DOCK2: variants seen among roughly 807,000 people sequenced by gnomAD.
DOCK2 encodes dedicator of cytokinesis protein 2.
DOCK2 carries 87 observed loss-of-function variants against 248.9 expected under a neutral mutation model. That is an observed-to-expected ratio of 0.35 (90% CI 0.29 to 0.42). The LOEUF (loss-of-function observed/expected upper bound fraction) is 0.42, where lower values mean the gene tolerates loss of function less well. Among genes scored for constraint, DOCK2 ranks in the 10% least tolerant of loss-of-function variants. The pLI is 1.00. For missense variants in DOCK2, 1,747 were observed against 2,300.2 expected, an observed-to-expected ratio of 0.76 and a Z score of 4.92; for synonymous variants, 805 against 821.6, an observed-to-expected ratio of 0.98 and a Z score of 0.35.
chr5:169,890,716 A>G (rs1178728537), intron 27 of DOCK2, among the ~76,000 whole-genome samples: 1 of 152,146 alleles, frequency 6.6e-6, no homozygotes, highest in Non-Finnish European at 1.5e-5. Context: ...AGACTTATAT[A>G]TTTGGGACCC....
intron 27 of DOCK2, among the ~76,000 whole-genome samples, chr5:169,903,719 G>A (rs916867012): frequency 1.3e-5 from 2 of 152,128 alleles, no homozygotes; most frequent in Non-Finnish European, 2.9e-5. Flanking sequence ...AAAGAAGTAA[G>A]TTTGGAGAAA....
chr5:169,932,512 C>A (rs1222039067), intron 27 of DOCK2, among the ~76,000 whole-genome samples: 2 of 152,148 alleles, frequency 1.3e-5, no homozygotes, highest in Non-Finnish European at 2.9e-5. Context: ...CCTCATGGAG[C>A]CTCAGGAACA....
chr5:170,072,850 T>C (rs1298090465), intron 46 of DOCK2, among the ~76,000 whole-genome samples: 1 of 152,236 alleles, frequency 6.6e-6, no homozygotes, highest in East Asian at 1.9e-4. Flanking sequence ...CTTTTACTTA[T>C]GTTGTTAATT....
At chr5:169,819,311 AAAC>A (rs746184665) in intron 26 of DOCK2, among the ~76,000 whole-genome samples, 7 of 152,106 alleles carry the variant, frequency 4.6e-5, no homozygotes, top group African/African-American at 7.2e-5. Flanking sequence ...ACTCCATCTC[AAAC>A]AACAACAACA....
Position 170,050,333 on chromosome 5 carries a change from C to G in DOCK2, c.4149C>G (p.Pro1383=), listed in dbSNP as rs755251351. The stretch of plus-strand genomic sequence containing the variant: ...AGATGCAGCTGATGACCCAGTTCCC[C>G]AATGCAGAGAAGATGAACACCACCT... The part of the protein sequence containing the change: ...DFQMQLMTQF[P]NAEKMNTTSA... Residue 1383 remains proline (P), a synonymous_variant, in exon 41 of 52, where the codon CCC becomes CCG. Transcript: ENST00000520908. 94 of 1,614,064 alleles carry G rather than the reference C, an allele frequency of 5.8e-5. No individual in the cohort carries two copies. Among genetic ancestry groups the G allele is most frequent in the Non-Finnish European group, 7.7e-5 (91 of 1,180,026 alleles).
At chr5:170,075,908 G>A (rs200010500) in intron 46 of DOCK2, 39 bp from the exon 47 acceptor site, 254 of 1,609,716 alleles carry the variant, frequency 1.6e-4, no homozygotes, top group Admixed American at 5.5e-4. Flanking sequence ...GAGGCCCACC[G>A]GTCAGCCTCT....
At chr5:169,661,712 C>T (rs59656908) in intron 2 of DOCK2, among the ~76,000 whole-genome samples, 1 of 152,076 alleles carries the variant, frequency 6.6e-6, no homozygotes, top group Non-Finnish European at 1.5e-5. Context: ...TGAAATAATG[C>T]AATACTTTCT....
intron 26 of DOCK2, among the ~76,000 whole-genome samples, chr5:169,820,260 T>C (rs1448238742): frequency 6.6e-6 from 1 of 152,124 alleles, no homozygotes; most frequent in African/African-American, 2.4e-5. Flanking sequence ...TCTGACAGCT[T>C]TGAAGAGAGT....
intron 27 of DOCK2, among the ~76,000 whole-genome samples, chr5:169,841,150 C>A (rs1218462983): frequency 1.3e-5 from 2 of 152,164 alleles, no homozygotes; most frequent in Admixed American, 6.5e-5. Context: ...TGTAAGTAAA[C>A]AAGGTGGAAC....
chr5:170,068,365 C>T (rs1757567705), intron 45 of DOCK2, among the ~76,000 whole-genome samples: 1 of 152,206 alleles, frequency 6.6e-6, no homozygotes, highest in South Asian at 2.1e-4. Flanking sequence ...ACTTGGTTTT[C>T]ACCTAGCAGA....
At chr5:170,030,019 T>C (rs1756073104) in intron 34 of DOCK2, among the ~76,000 whole-genome samples, 3 of 152,344 alleles carry the variant, frequency 2.0e-5, no homozygotes, top group Middle Eastern at 6.8e-3. Context: ...CAGGTGGATA[T>C]GGAGACTGAT....
chr5:170,059,838 A>G (rs777635622), intron 44 of DOCK2, among the ~76,000 whole-genome samples: 1 of 152,224 alleles, frequency 6.6e-6, no homozygotes, highest in Non-Finnish European at 1.5e-5. Flanking sequence ...GAAATAGTCA[A>G]GATTTTTGGC....
At chr5:170,041,980 C>CCCTGAGTGACTT (rs1222137386) in intron 37 of DOCK2, 33 bp from the exon 38 acceptor site, 1 of 1,609,024 alleles carries the variant, frequency 6.2e-7, no homozygotes, top group East Asian at 2.2e-5. Flanking sequence ...AGCCTCTCGG[C>CCCTGAGTGACTT]CCTGTGTGAC....
At chr5:169,747,993 G>A (rs1319887607) in intron 23 of DOCK2, among the ~76,000 whole-genome samples, 1 of 152,176 alleles carries the variant, frequency 6.6e-6, no homozygotes, top group African/African-American at 2.4e-5. Context: ...AAGGAGTTGA[G>A]CAGCTAAGAG....
chr5:170,050,007 T>C (rs1316638), intron 40 of DOCK2, among the ~76,000 whole-genome samples: 22,165 of 152,144 alleles, frequency 0.15, 2,142 homozygotes, highest in East Asian at 0.48. Context: ...GTACATAGGA[T>C]GGTAAGAAGA....
chr5:170,041,074 G>A lies in DOCK2; in HGVS notation c.3685G>A (p.Asp1229Asn). ...AAACAGGTACCTGTACAAACTCCGC[G>A]ATCTTCACCTGGACTGTGACAATTA... The part of the protein sequence containing the change: ...MYIRYLYKLR[D>N]LHLDCDNYTE... Residue 1229 changes from aspartate (D) to asparagine (N), a missense_variant, in exon 37 of 52, where the codon GAT (aspartate) becomes AAT (asparagine). Asp to Asn is a conservative substitution (Grantham distance 23). This residue lies in a region of DOCK2 where 858 missense variants were observed against 1,183.5 expected (regional missense o/e 0.72). Coordinates refer to ENST00000520908, the MANE Select transcript of DOCK2 (RefSeq NM_004946.3). 5 of 1,613,910 alleles carry A rather than the reference G, an allele frequency of 3.1e-6. No homozygotes were observed. Among genetic ancestry groups the A allele is most frequent in the African/African-American group, 1.3e-5 (1 of 74,936 alleles).
intron 27 of DOCK2, among the ~76,000 whole-genome samples, chr5:169,900,791 G>A (rs1773879595): frequency 6.6e-6 from 1 of 152,054 alleles, no homozygotes; most frequent in Non-Finnish European, 1.5e-5. Flanking sequence ...TCTTGGTGGT[G>A]GAAAAACTGA....
intron 26 of DOCK2, among the ~76,000 whole-genome samples, chr5:169,821,556 A>G (rs1336888411): frequency 2.0e-5 from 3 of 152,182 alleles, no homozygotes; most frequent in South Asian, 4.1e-4. Context: ...AATCCTTTAC[A>G]GACAAGCAAA....
intron 26 of DOCK2, among the ~76,000 whole-genome samples, chr5:169,822,164 T>A (rs889402231): frequency 6.6e-6 from 1 of 152,124 alleles, no homozygotes; most frequent in African/African-American, 2.4e-5. Flanking sequence ...CACACAATAA[T>A]AATGGGAGAC....
Sources: allele counts gnomAD v4.1 joint callset (sites outside exome capture counted in the v4.1 genomes callset), GRCh38; gene constraint gnomAD v4.1.1; regional missense constraint gnomAD v4.1.1; transcripts MANE v1.5; gene names NCBI Gene and HGNC (gene_info 2026-07-23, HGNC 2026-07-21).